Variants in BIRC6 observed in about 807,000 individuals in gnomAD.
The protein encoded by BIRC6 is baculoviral IAP repeat containing 6.
In BIRC6, 98 loss-of-function variants were observed where a neutral mutation model predicts 503.3. That is an observed-to-expected ratio of 0.19 (90% confidence interval 0.17 to 0.23). The LOEUF is 0.23. BIRC6 is among the 10% of genes least tolerant of loss of function. The pLI, the probability that BIRC6 is intolerant of heterozygous loss-of-function variation, is 1.00. For missense variants in BIRC6, 5,360 were observed against 5,806.0 expected (o/e 0.92, Z 2.50); for synonymous variants, 2,240 against 2,078.7 (o/e 1.08, Z -2.11).
chr2:32,371,793 TG>T (rs1262238404), intron 1 of BIRC6, among the ~76,000 whole-genome samples: 3 of 151,994 alleles, frequency 2.0e-5, no homozygotes. Context: ...CATGTGTACA[TG>T]TTTATTCTTT....
chr2:32,580,304 C>A (rs989183997), intron 66 of BIRC6, among the ~76,000 whole-genome samples: 2 of 152,084 alleles, frequency 1.3e-5, no homozygotes, highest in African/African-American at 4.8e-5. Flanking sequence ...TAGTAGAATT[C>A]AAGACACTAC....
At chr2:32,518,574 G>A (rs1203071688) in intron 56 of BIRC6, among the ~76,000 whole-genome samples, 177 bp downstream of exon 56, 1 of 152,080 alleles carries the variant, frequency 6.6e-6, no homozygotes, top group Non-Finnish European at 1.5e-5. Flanking sequence ...CTCATGCCTA[G>A]GAATAACATA....
intron 22 of BIRC6, among the ~76,000 whole-genome samples, chr2:32,451,747 A>G (rs978467943): frequency 6.6e-6 from 1 of 152,134 alleles, no homozygotes; most frequent in Non-Finnish European, 1.5e-5. Context: ...AACTACGCCC[A>G]TTTGCACTGC....
At chr2:32,575,084 G>C in intron 65 of BIRC6, 72 bp from the exon 66 acceptor site, 1 of 1,517,718 alleles carries the variant, frequency 6.6e-7, no homozygotes, top group Non-Finnish European at 9.1e-7. Context: ...CCAGGTAAAA[G>C]CTACATTCCT....
Position 32,518,387 on chromosome 2 carries a change from C to T in BIRC6, c.11483C>T (p.Ser3828Phe), listed in dbSNP as rs771037848. The T allele has an allele frequency of 2.5e-6, 4 of 1,607,572 alleles. No homozygotes were observed. The African/African-American group carries it at 5.4e-5, about 22-fold the overall frequency. ...GAGAAAGTGACAATGTTTCTTCAGT[C>T]TCCATGTCCAGTGAGTATTTAACAC... The part of the protein sequence containing the change: ...EDEKVTMFLQ[S>F]PCPLYKGRIN... The change falls in exon 56 of 74, where the codon TCT becomes TTT. Residue 3828 changes from serine (S) to phenylalanine (F), a missense_variant. Around this residue, in one of 16 missense-constraint regions of BIRC6, gnomAD observed 878 missense variants for 928.9 expected, o/e 0.95. Coordinates refer to ENST00000421745, the MANE Select transcript of BIRC6 (RefSeq NM_016252.4).
intron 59 of BIRC6, chr2:32,527,010 A>C (rs2056327225): frequency 6.6e-6 from 1 of 152,282 alleles, no homozygotes; most frequent in South Asian, 2.1e-4. Flanking sequence ...TCAAAAAGAC[A>C]CTGGGCTACA....
chr2:32,378,698 C>T (rs1374420813), intron 2 of BIRC6, among the ~76,000 whole-genome samples: 1 of 152,120 alleles, frequency 6.6e-6, no homozygotes, highest in African/African-American at 2.4e-5. Context: ...TTCAATTGAT[C>T]CGCCCGCCTC....
chr2:32,460,998 C>CTCTCTTCTCTTCTCTTCTCTTCTCT lies in BIRC6; in HGVS notation c.4754-2152_4754-2128dup, dbSNP rs1244077881. Among the ~76,000 whole-genome samples the CTCTCTTCTCTTCTCTTCTCTTCTCT allele has an allele frequency of 2.8e-3, 251 of 88,744 alleles. 10 individuals are homozygous for CTCTCTTCTCTTCTCTTCTCTTCTCT. Among genetic ancestry groups the CTCTCTTCTCTTCTCTTCTCTTCTCT allele is most frequent in the Non-Finnish European group, 4.1e-3 (176 of 43,086 alleles). 58.2% of individuals were successfully genotyped at this position (88,744 alleles called of 152,430 possible). ...GATGCAATTGCTCTGCTCTGCTCTG[C>CTCTCTTCTCTTCTCTTCTCTTCTCT]TCTCTTCTCTTCTCTTCTCTTCTCT... On this transcript the variant is annotated intron_variant, in intron 23 of 73. Transcript: ENST00000421745.
intron 15 of BIRC6, among the ~76,000 whole-genome samples, chr2:32,437,901 TC>T (rs1320903665): frequency 6.6e-6 from 1 of 152,204 alleles, no homozygotes; most frequent in Non-Finnish European, 1.5e-5. Flanking sequence ...TAGGTTTTGT[TC>T]AATGAGAGTG....
intron 38 of BIRC6, among the ~76,000 whole-genome samples, chr2:32,482,084 C>T (rs1284320707): frequency 1.3e-5 from 2 of 152,122 alleles, no homozygotes; most frequent in African/African-American, 4.8e-5. Context: ...TTCATCCGAG[C>T]TGTGTTCATT....
At position 32,358,621 on chromosome 2, in the gene BIRC6, AT is replaced by A. The variant is rs377368412; in HGVS notation, c.325+1139del. On this transcript the variant is annotated intron_variant, in intron 1 of 73. Transcript: ENST00000421745. Reference sequence around the variant, plus strand: ...TTATGTGGTCAACCAATTCACTTGTATTTTAACGTAGACGAACAAGGAAAAG... The same window carrying A: ...TTATGTGGTCAACCAATTCACTTGTATTTAACGTAGACGAACAAGGAAAAG... Among the ~76,000 whole-genome samples the A allele has an allele frequency of 3.5e-4, 53 of 152,376 alleles. 1 individual carries two copies. In the South Asian group the frequency reaches 0.011, roughly 32 times the overall value.
intron 44 of BIRC6, among the ~76,000 whole-genome samples, chr2:32,492,326 C>T (rs1025065149): frequency 6.6e-6 from 1 of 151,982 alleles, no homozygotes; most frequent in Admixed American, 6.6e-5. Context: ...CAAATATCTG[C>T]CTTCATAGAG....
chr2:32,518,173 TTC>T (rs763141289), intron 55 of BIRC6, 79 bp from the exon 56 acceptor site: 36 of 1,318,362 alleles, frequency 2.7e-5, no homozygotes, highest in Non-Finnish European at 3.6e-5. Context: ...TATTCATATT[TTC>T]TGTTTCCTTT....
rs1558664637 is a variant in BIRC6, at chr2:32,415,919, A to G, written c.2628A>G (p.Glu876=). Residue 876 remains glutamate, a synonymous_variant, in exon 10 of 74, where the codon GAA becomes GAG. Transcript: ENST00000421745. Reference sequence around the variant, plus strand: ...ATAATCGAGAGGATGACTGTGAGGAACCTATTGAGGACATGCAGTTAACCT... The same window carrying G: ...ATAATCGAGAGGATGACTGTGAGGAGCCTATTGAGGACATGCAGTTAACCT... ...ILDNREDDCE[E]PIEDMQLTSK... is the part of the protein sequence containing the mutation. The G allele has an allele frequency of 1.2e-6, 2 of 1,613,978 alleles. No homozygotes were observed. The highest frequency in any genetic ancestry group is 1.7e-6 in the Non-Finnish European group (2 of 1,179,870).
At chr2:32,405,578 G>A (rs146159833) in intron 8 of BIRC6, among the ~76,000 whole-genome samples, 2 of 152,214 alleles carry the variant, frequency 1.3e-5, no homozygotes, top group East Asian at 1.9e-4. Context: ...AGACCGAGGC[G>A]GGAGGATCAC....
chr2:32,389,991 C>G (rs1051402366), intron 4 of BIRC6, among the ~76,000 whole-genome samples: 1 of 151,954 alleles, frequency 6.6e-6, no homozygotes, highest in Middle Eastern at 3.4e-3. Context: ...TCCTTGGTAG[C>G]TGGGATTACA....
At chr2:32,507,685 A>G (rs140017285) in intron 50 of BIRC6, among the ~76,000 whole-genome samples, 2,551 of 152,324 alleles carry the variant, frequency 0.017, 41 homozygotes, top group Non-Finnish European at 0.027. Context: ...GGTTTTATTC[A>G]TAGGGAGCAT....
intron 60 of BIRC6, 48 bp downstream of exon 60, chr2:32,529,872 G>C: frequency 1.6e-6 from 2 of 1,250,396 alleles, no homozygotes; most frequent in Non-Finnish European, 2.1e-6. Context: ...CATACAAAGA[G>C]GCAGAGATTT....
intron 1 of BIRC6, among the ~76,000 whole-genome samples, chr2:32,364,078 A>G (rs1353680329): frequency 1.3e-5 from 2 of 152,224 alleles, no homozygotes; most frequent in Non-Finnish European, 2.9e-5. Context: ...GTGTGTATAC[A>G]GATTTGTTTA....
Sources: gnomAD v4.1 joint callset for allele counts (sites outside exome capture counted in the v4.1 genomes callset) on GRCh38, gnomAD v4.1.1 for gene constraint, gnomAD v4.1.1 regional missense constraint, MANE v1.5 for transcripts, NCBI Gene and HGNC (gene_info 2026-07-23, HGNC 2026-07-21) for gene names.